Variants in NPHP1 observed in about 807,000 individuals in gnomAD.
The protein encoded by NPHP1 is nephrocystin 1.
NPHP1 carries 70 observed loss-of-function variants against 90.4 expected under a neutral mutation model. That is an observed-to-expected ratio of 0.77 (90% CI 0.64 to 0.95). NPHP1 has a LOEUF of 0.95. Among genes scored for constraint, NPHP1 ranks in the 40% least tolerant of loss-of-function variants. The pLI, the probability that NPHP1 is intolerant of heterozygous loss-of-function variation, is 0.00. For missense variants in NPHP1, 764 were observed against 795.9 expected, an observed-to-expected ratio of 0.96 and a Z score of 0.48; for synonymous variants, 256 against 271.7, an observed-to-expected ratio of 0.94 and a Z score of 0.57.
chr2:110,124,546 C>G (rs752796258), intron 19 of NPHP1: 1 of 223,008 alleles, frequency 4.5e-6, no homozygotes, highest in Non-Finnish European at 9.1e-6. Flanking sequence ...GGATGGAGGT[C>G]GAGGGGTCCT....
At chr2:110,150,762 C>T (rs1251264727) in intron 11 of NPHP1, among the ~76,000 whole-genome samples, 1 of 150,098 alleles carries the variant, frequency 6.7e-6, no homozygotes, top group Non-Finnish European at 1.5e-5. Flanking sequence ...GTTGGCCAGG[C>T]TGGTCTCGAA....
Position 110,150,224 on chromosome 2 carries a change from T to C in NPHP1, c.1116A>G (p.Thr372=), listed in dbSNP as rs1371381505. 5 of 1,613,908 alleles carry C rather than the reference T, an allele frequency of 3.1e-6. No homozygotes were observed. The highest frequency in any genetic ancestry group is 2.7e-5 in the African/African-American group (2 of 74,942). Residue 372 remains threonine, a synonymous_variant, in exon 12 of 20, where the codon ACA becomes ACG. Transcript: ENST00000445609. ...VLSNIHTVRA[T]WQPKKPKTWT... is the part of the protein sequence containing the mutation. Reference sequence around the variant, plus strand: ...ATGTTTTGGGCTTTTTAGGTTGCCATGTGGCTCTGACTGTATGAATGTTGC... The same window carrying C: ...ATGTTTTGGGCTTTTTAGGTTGCCACGTGGCTCTGACTGTATGAATGTTGC...
chr2:110,191,998 C>T (rs2104672626), intron 2 of NPHP1, among the ~76,000 whole-genome samples: 1 of 152,180 alleles, frequency 6.6e-6, no homozygotes, highest in South Asian at 2.1e-4. Context: ...ACACCAAAAC[C>T]CCATCTGTAC....
intron 2 of NPHP1, among the ~76,000 whole-genome samples, chr2:110,198,256 A>C (rs1685304532): frequency 6.6e-6 from 1 of 152,176 alleles, no homozygotes; most frequent in South Asian, 2.1e-4. Context: ...AAAGGACCAA[A>C]GGTTAACTAA....
rs1680085321 is a variant in NPHP1, at chr2:110,135,257, A to G, written c.1530-3466T>C. Among the ~76,000 whole-genome samples, 3 of 151,964 alleles carry G rather than the reference A, an allele frequency of 2.0e-5. No homozygotes were observed. The South Asian group carries it at 6.2e-4, about 31-fold the overall frequency. ...TTTAGATTTCAAAATAATAATCTGG[A>G]AACATGAAAAGTGAGTTCTTCCATC... On this transcript the variant is annotated intron_variant, in intron 16 of 19. Coordinates refer to ENST00000445609, the MANE Select transcript of NPHP1 (RefSeq NM_001128178.3).
Position 110,197,444 on chromosome 2 carries a change from G to A in NPHP1, c.143+3977C>T, listed in dbSNP as rs892443598. On this transcript the variant is annotated intron_variant, in intron 2 of 19. Transcript: ENST00000445609. Reference sequence around the variant, plus strand: ...CCCTTTCCCACCCTTCCTCTTTGCTGGCAGTCAGCTTCCCACTGGCACCTA... The same window carrying A: ...CCCTTTCCCACCCTTCCTCTTTGCTAGCAGTCAGCTTCCCACTGGCACCTA... 9.9e-5 allele frequency among the ~76,000 whole-genome samples: 15 copies of A among 152,208 alleles called. No homozygotes were observed. The South Asian group carries it at 1.0e-3, about 11-fold the overall frequency.
chr2:110,149,897 T>A lies in NPHP1; in HGVS notation c.1158+285A>T, dbSNP rs535595877. 2.6e-5 allele frequency among the ~76,000 whole-genome samples: 4 copies of A among 152,260 alleles called. No homozygotes were observed. The South Asian group carries it at 8.3e-4, about 32-fold the overall frequency. The stretch of plus-strand genomic sequence containing the variant: ...TTATTAGCACAGTTGGAAGATTTCA[T>A]CTTTGAAAAACACCCCACTTCCTAA... On this transcript the variant is annotated intron_variant, in intron 12 of 19. Coordinates refer to ENST00000445609, the MANE Select transcript of NPHP1 (RefSeq NM_001128178.3).
At chr2:110,138,023 T>A (rs534206738) in intron 16 of NPHP1, among the ~76,000 whole-genome samples, 1 of 151,858 alleles carries the variant, frequency 6.6e-6, no homozygotes, top group Non-Finnish European at 1.5e-5. Flanking sequence ...ATGTCCTTTG[T>A]AGGGACATGG....
intron 16 of NPHP1, among the ~76,000 whole-genome samples, chr2:110,139,414 C>T (rs1416543192): frequency 2.0e-5 from 3 of 152,152 alleles, no homozygotes; most frequent in Non-Finnish European, 4.4e-5. Context: ...ACTGAAGCAT[C>T]TATTTGCTCT....
chr2:110,154,275 T>TA (rs1223117296), intron 11 of NPHP1, among the ~76,000 whole-genome samples: 1 of 152,174 alleles, frequency 6.6e-6, no homozygotes, highest in Non-Finnish European at 1.5e-5. Flanking sequence ...TTGTGAGGCC[T>TA]CCTCAGACAC....
chr2:110,142,859 C>T (rs907395578), intron 16 of NPHP1, among the ~76,000 whole-genome samples: 3 of 152,170 alleles, frequency 2.0e-5, no homozygotes, highest in African/African-American at 7.2e-5. Flanking sequence ...GTTGAAAAAT[C>T]TTGAGTAAGT....
intron 11 of NPHP1, among the ~76,000 whole-genome samples, chr2:110,154,245 C>A (rs892950056): frequency 6.6e-6 from 1 of 152,142 alleles, no homozygotes; most frequent in Non-Finnish European, 1.5e-5. Flanking sequence ...TTGAGAGGTG[C>A]CATTCACCTT....
rs201077898 is a variant in NPHP1, at chr2:110,123,892, C to A, written c.1933G>T (p.Ala645Ser). The A allele has an allele frequency of 3.1e-6, 5 of 1,613,880 alleles. No homozygotes were observed. The highest frequency in any genetic ancestry group is 2.2e-5 in the East Asian group (1 of 44,888). ...FLKQNQENQG[A>S]LQALLSPDGV... is the part of the protein sequence containing the mutation. ...TCTGGTGACAGCAGAGCTTGGAGGG[C>A]GCCCTGGTTTTCTTGGTTTTGCTTA... is the stretch of plus-strand genomic sequence containing the variant. Residue 645 changes from alanine to serine, a missense_variant, in exon 20 of 20, where the codon GCC becomes TCC. Coordinates refer to ENST00000445609, the MANE Select transcript of NPHP1 (RefSeq NM_001128178.3).
At chr2:110,159,444 T>G (rs115678151) in intron 11 of NPHP1, among the ~76,000 whole-genome samples, 2,032 of 152,128 alleles carry the variant, frequency 0.013, 48 homozygotes, top group African/African-American at 0.046. Context: ...TTTTTAATTA[T>G]AGGTTTAATA....
chr2:110,190,612 G>A (rs898701963), intron 2 of NPHP1, among the ~76,000 whole-genome samples: 3 of 152,296 alleles, frequency 2.0e-5, no homozygotes, highest in East Asian at 1.9e-4. Context: ...AGCTGGCTCC[G>A]GCCTTGGCCA....
chr2:110,170,667 G>C (rs1157891801), intron 4 of NPHP1, among the ~76,000 whole-genome samples: 3 of 152,100 alleles, frequency 2.0e-5, no homozygotes, highest in Non-Finnish European at 4.4e-5. Flanking sequence ...TTATAAAATA[G>C]TGCAATAGGT....
intron 4 of NPHP1, 122 bp from the exon 5 acceptor site, chr2:110,170,120 AG>A: frequency 7.7e-7 from 1 of 1,299,984 alleles, no homozygotes; most frequent in African/African-American, 1.5e-5. Context: ...AAAAGAAATA[AG>A]GGAAAATACA....
intron 6 of NPHP1, 47 bp downstream of exon 6, chr2:110,168,405 G>C: frequency 3.2e-6 from 3 of 941,982 alleles, no homozygotes; most frequent in Middle Eastern, 4.7e-4. Context: ...TATTAAAAGC[G>C]AAAAAAAAAA....
At chr2:110,124,448 C>A (rs1363151493) in intron 19 of NPHP1, 1 of 305,300 alleles carries the variant, frequency 3.3e-6, no homozygotes, top group Non-Finnish European at 6.4e-6. Flanking sequence ...GACAGCATAT[C>A]AGAGGTAACT....
Sources: allele counts gnomAD v4.1 joint callset (sites outside exome capture counted in the v4.1 genomes callset), GRCh38; gene constraint gnomAD v4.1.1; transcripts MANE v1.5; gene names NCBI Gene and HGNC (gene_info 2026-07-23, HGNC 2026-07-21).